ESPN: variants seen among roughly 807,000 people sequenced by gnomAD.
The protein encoded by ESPN is espin.
Under a neutral mutation model 77.7 loss-of-function variants are expected in ESPN, and 68 were observed. That is an observed-to-expected ratio of 0.87 (90% CI 0.72 to 1.07). The LOEUF is 1.07. ESPN is among the 50% of genes least tolerant of loss of function. ESPN has a pLI of 0.00. For synonymous variants in ESPN, 449 were observed against 567.1 expected, an observed-to-expected ratio of 0.79 and a Z score of 2.96; for missense variants, 1,060 against 1,239.0, an observed-to-expected ratio of 0.86 and a Z score of 2.17.
At position 6,444,489 on chromosome 1, in the gene ESPN, G is replaced by A; in HGVS notation, c.999G>A (p.Glu333=). ...YLRTVENLSV[E]HRVLSRDPSA... is the part of the protein sequence containing the mutation. The stretch of plus-strand genomic sequence containing the variant: ...CCCTGCCTCCCCTTCAGAGCGTGGA[G>A]CACCGCGTGCTTTCCCGGGATCCAT... Residue 333 remains glutamate (E), a synonymous_variant, in exon 6 of 13, where the codon GAG becomes GAA. Coordinates refer to ENST00000645284, the MANE Select transcript of ESPN (RefSeq NM_031475.3). 6.2e-7 allele frequency: 1 copy of A among 1,614,216 alleles called. No individual in the cohort carries two copies. The highest frequency in any genetic ancestry group is 8.5e-7 in the Non-Finnish European group (1 of 1,180,028).
chr1:6,451,519 G>A lies in ESPN; in HGVS notation c.1916-84G>A, dbSNP rs1448882507. 12 of 1,553,084 alleles carry A rather than the reference G, an allele frequency of 7.7e-6. No homozygotes were observed. The East Asian group carries it at 2.6e-4, about 34-fold the overall frequency. ...GGGCACCCATCCAATCTTGGCTTAGGAAAGGGGCTGCAGAGGGGCGGGTGA... is the reference window on the plus strand; with the variant it reads ...GGGCACCCATCCAATCTTGGCTTAGAAAAGGGGCTGCAGAGGGGCGGGTGA... On this transcript the variant is annotated intron_variant, in intron 8 of 12. Coordinates refer to ENST00000645284, the MANE Select transcript of ESPN (RefSeq NM_031475.3). This position sits in a 1 kb window ranked among gnomAD's most constrained non-coding sequence, Gnocchi z 4.3.
Position 6,445,903 on chromosome 1 carries a change from C to G in ESPN, c.1432C>G (p.Arg478Gly). Residue 478 changes from arginine (R) to glycine (G), a missense_variant, in exon 7 of 13, where the codon CGC becomes GGC. Coordinates refer to ENST00000645284, the MANE Select transcript of ESPN (RefSeq NM_031475.3). ...CTACATGCAGACCAAGAACAAACTC[C>G]GCCACGTGGAGACAGAGGCCCTCAA... ...DIYMQTKNKL[R>G]HVETEALKKE... The G allele has an allele frequency of 6.2e-7, 1 of 1,612,494 alleles. No homozygotes were observed. The highest frequency in any genetic ancestry group is 2.2e-5 in the East Asian group (1 of 44,824).
rs564808177 is a variant in ESPN, at chr1:6,427,551, C to T, written c.295-675C>T. ...CACCTAGCACCCCTGGCTGACTGCC[C>T]CGGACCCGCCCACCAGTACCCAGCA... On this transcript the variant is annotated intron_variant, in intron 1 of 12. Transcript: ENST00000645284. The surrounding 1 kb of genome is among the most constrained non-coding windows in gnomAD (Gnocchi z 4.6). 2.6e-5 allele frequency among the ~76,000 whole-genome samples: 4 copies of T among 152,310 alleles called. No individual in the cohort carries two copies. The South Asian group carries it at 8.3e-4, about 32-fold the overall frequency.
chr1:6,426,039 T>C (rs952449459), intron 1 of ESPN, among the ~76,000 whole-genome samples: 1 of 152,150 alleles, frequency 6.6e-6, no homozygotes, highest in Admixed American at 6.5e-5. Context: ...GAGAGTATCA[T>C]AGGCCGAGGT....
Position 6,449,025 on chromosome 1 carries a change from C to G in ESPN, c.1849C>G (p.Pro617Ala). The G allele has an allele frequency of 1.4e-6, 2 of 1,466,248 alleles. No individual in the cohort carries two copies. The highest frequency in any genetic ancestry group is 1.8e-6 in the Non-Finnish European group (2 of 1,115,836). The allele number at this position is 1,466,248 out of a possible 1,614,324, so 90.8% of individuals were successfully genotyped here. ...PEAASSPPPA[P>A]PLPLESAGPG... ...GGCCGCGAGTTCGCCACCGCCGGCCCCGCCTCTGCCCCTCGAGAGCGCTGG... is the reference window on the plus strand; with the variant it reads ...GGCCGCGAGTTCGCCACCGCCGGCCGCGCCTCTGCCCCTCGAGAGCGCTGG... Residue 617 changes from proline (P) to alanine (A), a missense_variant, in exon 8 of 13, where the codon CCG (proline) becomes GCG (alanine). Pro to Ala is a conservative substitution (Grantham distance 27). This residue lies in a region of ESPN where 374 missense variants were observed against 381.4 expected (regional missense o/e 0.98). Transcript: ENST00000645284.
rs893458563 is a variant in ESPN, at chr1:6,450,935, T to C, written c.1916-668T>C. ...CACTCTGCCCTGGGTGTTTCCATAT[T>C]ATCCGCCTGCCCTTCCTCCTGGGTG... On this transcript the variant is annotated intron_variant, in intron 8 of 12. Transcript: ENST00000645284. This position sits in a 1 kb window ranked among gnomAD's most constrained non-coding sequence, Gnocchi z 4.3. Among the ~76,000 whole-genome samples, 7 of 152,204 alleles carry C rather than the reference T, an allele frequency of 4.6e-5. No individual in the cohort carries two copies. The highest frequency in any genetic ancestry group is 7.3e-5 in the Non-Finnish European group (5 of 68,036).
intron 5 of ESPN, among the ~76,000 whole-genome samples, chr1:6,443,945 G>A (rs1243628370): frequency 2.0e-5 from 3 of 152,216 alleles, no homozygotes; most frequent in African/African-American, 7.2e-5. Context: ...GGGATGGCAG[G>A]CCTGGCAGCC....
Position 6,434,640 on chromosome 1 carries a change from C to T in ESPN, c.489-5614C>T, listed in dbSNP as rs187097840. ...TACTCCTGGCCTGGATGTCCCTTCT[C>T]ATATTTATTCATTCAACAAAAAGCA... On this transcript the variant is annotated intron_variant, in intron 2 of 12. Coordinates refer to ENST00000645284, the MANE Select transcript of ESPN (RefSeq NM_031475.3). Among the ~76,000 whole-genome samples, 61 of 152,196 alleles carry T rather than the reference C, an allele frequency of 4.0e-4. 2 individuals are homozygous for T. In the East Asian group the frequency reaches 0.011, roughly 27 times the overall value.
chr1:6,440,556 G>C, intron 3 of ESPN, 70 bp from the exon 4 acceptor site: 2 of 683,988 alleles, frequency 2.9e-6, no homozygotes, highest in Non-Finnish European at 2.0e-6. Context: ...GGCCACGGAG[G>C]TACAGGGGGC....
intron 6 of ESPN, among the ~76,000 whole-genome samples, chr1:6,445,226 C>T (rs1482294822): frequency 6.6e-6 from 1 of 152,252 alleles, no homozygotes. Context: ...CGGCAGACTG[C>T]AGGCTTGTGT....
Position 6,427,690 on chromosome 1 carries a change from C to A in ESPN, c.295-536C>A, listed in dbSNP as rs1643090651. On this transcript the variant is annotated intron_variant, in intron 1 of 12. Transcript: ENST00000645284. The surrounding 1 kb of genome is among the most constrained non-coding windows in gnomAD (Gnocchi z 4.6). ...TGAGGTTGGGTTCCTGGAGGCGTAC[C>A]AAGGTGGAGGTCTCTGTTCCCACGT... 6.6e-6 allele frequency among the ~76,000 whole-genome samples: 1 copy of A among 152,208 alleles called. No homozygotes were observed. The highest frequency in any genetic ancestry group is 1.5e-5 in the Non-Finnish European group (1 of 68,024).
chr1:6,439,890 T>C (rs1286975709), intron 2 of ESPN, among the ~76,000 whole-genome samples: 2 of 152,042 alleles, frequency 1.3e-5, no homozygotes, highest in Non-Finnish European at 2.9e-5. Context: ...ATGCCTGTAA[T>C]CCCAGCTACT....
chr1:6,456,122 C>T lies in ESPN; in HGVS notation c.2326-1062C>T, dbSNP rs529539325. ...TGTCTGAGATGGGCGAGTTCAGCAA[C>T]GAGGACATCTGCCGCTACATCGACC... On this transcript the variant is annotated intron_variant, in intron 10 of 12. Transcript: ENST00000645284. 1,815 of 399,082 alleles carry T rather than the reference C, an allele frequency of 4.5e-3. 7 individuals carry two copies. Among genetic ancestry groups the T allele is most frequent in the Non-Finnish European group, 5.3e-3 (1,206 of 226,126 alleles). 24.7% of individuals were successfully genotyped at this position (399,082 alleles called of 1,614,324 possible).
chr1:6,435,905 C>A (rs758715841), intron 2 of ESPN, among the ~76,000 whole-genome samples: 6 of 152,234 alleles, frequency 3.9e-5, no homozygotes, highest in Non-Finnish European at 8.8e-5. Context: ...GTCAGGATGA[C>A]AACTGTTGTC....
rs200463063 is a variant in ESPN at position 6,460,028 on chromosome 1, A to T, written c.2447A>T (p.Glu816Val). 2 of 1,613,668 alleles carry T rather than the reference A, an allele frequency of 1.2e-6. No individual in the cohort carries two copies. Among genetic ancestry groups the T allele is most frequent in the South Asian group, 1.1e-5 (1 of 91,078 alleles). Reference sequence around the variant, plus strand: ...GAGGAGGAGCGACAGAAGCAGGAGGAGCTGCGGCGGGAGAAGGAACAGTCA... The same window carrying T: ...GAGGAGGAGCGACAGAAGCAGGAGGTGCTGCGGCGGGAGAAGGAACAGTCA... ...RKEEERQKQE[E>V]LRREKEQSEK... Residue 816 changes from glutamate (E) to valine (V), a missense_variant, in exon 13 of 13, where the codon GAG becomes GTG. Glu to Val is a moderately radical substitution (Grantham distance 121). Coordinates refer to ENST00000645284, the MANE Select transcript of ESPN (RefSeq NM_031475.3).
chr1:6,446,682 G>A (rs536677291), intron 7 of ESPN, among the ~76,000 whole-genome samples: 162 of 152,282 alleles, frequency 1.1e-3, no homozygotes, highest in African/African-American at 3.5e-3. Context: ...GTGCCCTGGG[G>A]AACACTGGCG....
chr1:6,427,950 G>A lies in ESPN; in HGVS notation c.295-276G>A, dbSNP rs1023474637. Among the ~76,000 whole-genome samples, 4 of 152,200 alleles carry A rather than the reference G, an allele frequency of 2.6e-5. No homozygotes were observed. The highest frequency in any genetic ancestry group is 9.6e-5 in the African/African-American group (4 of 41,454). On this transcript the variant is annotated intron_variant, in intron 1 of 12. Coordinates refer to ENST00000645284, the MANE Select transcript of ESPN (RefSeq NM_031475.3). This position sits in a 1 kb window ranked among gnomAD's most constrained non-coding sequence, Gnocchi z 4.6. ...CAGGTGCCTGTCGTGTAGGCAGCTCGCAGTCAGGACCTGCAGCCTCTGAAA... is the reference window on the plus strand; with the variant it reads ...CAGGTGCCTGTCGTGTAGGCAGCTCACAGTCAGGACCTGCAGCCTCTGAAA...
chr1:6,450,641 C>G lies in ESPN; in HGVS notation c.1916-962C>G, dbSNP rs1433414846. On this transcript the variant is annotated intron_variant, in intron 8 of 12. Transcript: ENST00000645284. The surrounding 1 kb of genome is among the most constrained non-coding windows in gnomAD (Gnocchi z 4.3). ...GGGCCTTGCACCTCATACCTACCCT[C>G]ATACCCACATATGCACCCAAGCATT... 6.6e-6 allele frequency among the ~76,000 whole-genome samples: 1 copy of G among 152,136 alleles called. No individual in the cohort carries two copies. Among genetic ancestry groups the G allele is most frequent in the Admixed American group, 6.5e-5 (1 of 15,278 alleles).
At chr1:6,455,609 C>G (rs1324938923) in intron 10 of ESPN, 1 of 399,158 alleles carries the variant, frequency 2.5e-6, no homozygotes, top group Non-Finnish European at 4.4e-6. Context: ...TGGACGGCGG[C>G]GCACCCCCGC....
Sources: gnomAD v4.1 joint callset for allele counts (sites outside exome capture counted in the v4.1 genomes callset) on GRCh38, gnomAD v4.1.1 for gene constraint, gnomAD v4.1.1 regional missense constraint, Gnocchi (gnomAD v3.1) non-coding constraint, MANE v1.5 for transcripts, NCBI Gene and HGNC (gene_info 2026-07-23, HGNC 2026-07-21) for gene names.